The following SEMA3C variants were observed in gnomAD, a reference collection of about 807,000 sequenced individuals.
The protein encoded by SEMA3C is semaphorin 3C.
SEMA3C carries 47 observed loss-of-function variants against 89.4 expected under a neutral mutation model. That is an observed-to-expected ratio of 0.53 (90% CI 0.42 to 0.67). SEMA3C has a LOEUF of 0.67. Ranked by LOEUF, SEMA3C falls within the 30% of genes least tolerant of loss-of-function variation. SEMA3C has a pLI of 0.00. For synonymous variants in SEMA3C, 310 were observed against 320.2 expected, an observed-to-expected ratio of 0.97 and a Z score of 0.34; for missense variants, 839 against 929.1, an observed-to-expected ratio of 0.90 and a Z score of 1.26.
intron 2 of SEMA3C, among the ~76,000 whole-genome samples, chr7:80,863,799 GATATATATGTGATAC>G (rs1790839064): frequency 8.7e-6 from 1 of 115,410 alleles, no homozygotes; most frequent in African/African-American, 4.3e-5. Context: ...TATTCCATCT[GATATATATGTGATAC>G]ATATATATGT....
At chr7:80,767,221 C>T (rs992971308) in intron 12 of SEMA3C, among the ~76,000 whole-genome samples, 6 of 152,186 alleles carry the variant, frequency 3.9e-5, no homozygotes, top group African/African-American at 1.4e-4. Context: ...TAGGTTGCTG[C>T]AGACCCATAC....
intron 2 of SEMA3C, among the ~76,000 whole-genome samples, chr7:80,838,795 AC>A (rs1313895785): frequency 1.2e-4 from 18 of 151,940 alleles, no homozygotes; most frequent in Admixed American, 1.2e-3. Flanking sequence ...TTTCCTGAGA[AC>A]CCCCTCACTG....
At position 80,846,049 on chromosome 7, in the gene SEMA3C, CA is replaced by C. The variant is rs557256268; in HGVS notation, c.104-17305del. ...GGTCATAGTCATAAAATATTTCATG[CA>C]AATTCAGGGTGTCACTGATATTCTG... On this transcript the variant is annotated intron_variant, in intron 2 of 17. Transcript: ENST00000265361. Among the ~76,000 whole-genome samples, 918 of 152,208 alleles carry C rather than the reference CA, an allele frequency of 6.0e-3. 21 individuals are homozygous for C. Among genetic ancestry groups the C allele is most frequent in the Non-Finnish European group, 3.7e-3 (254 of 68,016 alleles).
intron 15 of SEMA3C, among the ~76,000 whole-genome samples, chr7:80,756,949 C>T (rs545662295): frequency 6.6e-6 from 1 of 152,204 alleles, no homozygotes; most frequent in South Asian, 2.1e-4. Flanking sequence ...TATTATCGAT[C>T]TTTTCTCTTT....
At chr7:80,753,264 A>G (rs1787979537) in intron 15 of SEMA3C, among the ~76,000 whole-genome samples, 1 of 152,220 alleles carries the variant, frequency 6.6e-6, no homozygotes, top group African/African-American at 2.4e-5. Flanking sequence ...TAGCTCGCAT[A>G]TCAAGTTTTT....
At position 80,827,415 on chromosome 7, in the gene SEMA3C, T is replaced by TTTTTG; in HGVS notation, c.327+9_327+10insCAAAA. 6.8e-7 allele frequency: 1 copy of TTTTTG among 1,471,082 alleles called. No homozygotes were observed. The highest frequency in any genetic ancestry group is 1.3e-5 in the South Asian group (1 of 77,208). 91.1% of individuals were successfully genotyped at this position (1,471,082 alleles called of 1,614,324 possible). ...GTGTTTTTTTTTTTTTTTTTTTTTT[T>TTTTTG]AACACTTACTGTGGGATCTTTGCCA... On this transcript the variant is annotated intron_variant, in intron 4 of 17. Coordinates refer to ENST00000265361, the MANE Select transcript of SEMA3C (RefSeq NM_006379.5).
intron 2 of SEMA3C, among the ~76,000 whole-genome samples, chr7:80,915,378 G>A (rs750161085): frequency 1.4e-4 from 22 of 152,110 alleles, no homozygotes; most frequent in Non-Finnish European, 2.9e-4. Flanking sequence ...GGCTCCTTCG[G>A]TGCTTATGAC....
At chr7:80,888,752 T>A (rs1226495062) in intron 2 of SEMA3C, among the ~76,000 whole-genome samples, 1 of 152,164 alleles carries the variant, frequency 6.6e-6, no homozygotes, top group Non-Finnish European at 1.5e-5. Context: ...ATTTAAAATA[T>A]TATAACCACA....
At chr7:80,792,349 G>T (rs1562877081) in intron 11 of SEMA3C, among the ~76,000 whole-genome samples, 1 of 152,194 alleles carries the variant, frequency 6.6e-6, no homozygotes. Context: ...GCAATGCATG[G>T]GTAATTTAAA....
chr7:80,762,848 T>C (rs1255198389), intron 13 of SEMA3C, among the ~76,000 whole-genome samples: 1 of 152,182 alleles, frequency 6.6e-6, no homozygotes, highest in Non-Finnish European at 1.5e-5. Context: ...TCTGGTAAAG[T>C]GATTAAGATT....
At chr7:80,920,453 G>A (rs544991866), upstream of SEMA3C, among the ~76,000 whole-genome samples, 8 of 152,282 alleles carry the variant, frequency 5.3e-5, no homozygotes, top group East Asian at 7.7e-4. Flanking sequence ...CAAAATCATT[G>A]TTCAGTGGGA....
At chr7:80,838,853 C>T (rs1334481962) in intron 2 of SEMA3C, among the ~76,000 whole-genome samples, 1 of 152,176 alleles carries the variant, frequency 6.6e-6, no homozygotes, top group Non-Finnish European at 1.5e-5. Flanking sequence ...TACCTCCCAC[C>T]AGTTCTCTCC....
chr7:80,887,065 A>G (rs1461833237), intron 2 of SEMA3C, among the ~76,000 whole-genome samples: 5 of 152,198 alleles, frequency 3.3e-5, no homozygotes, highest in Admixed American at 1.3e-4. Context: ...ATACACATAT[A>G]GTTACCAGGG....
chr7:80,815,800 G>C (rs560597929), intron 5 of SEMA3C: 1 of 151,996 alleles, frequency 6.6e-6, no homozygotes, highest in Non-Finnish European at 1.5e-5. Context: ...GTCAGTCTAA[G>C]GTAAAGTTAT....
intron 11 of SEMA3C, among the ~76,000 whole-genome samples, chr7:80,797,605 T>C (rs1279803889): frequency 6.6e-6 from 1 of 152,242 alleles, no homozygotes; most frequent in Non-Finnish European, 1.5e-5. Context: ...TCCTATGAGA[T>C]ATATGTAACA....
rs927966223 is a variant in SEMA3C, at chr7:80,743,514, G to A, written c.*1380C>T. ...GTACAATATCTGTTTTTACCTGGAAGCATGAAAATGTCTTAAAAGGTAAAT... is the reference window on the plus strand; with the variant it reads ...GTACAATATCTGTTTTTACCTGGAAACATGAAAATGTCTTAAAAGGTAAAT... On this transcript the variant is annotated 3_prime_UTR_variant, in exon 18 of 18. Transcript: ENST00000265361. 1 of 151,742 alleles carries A rather than the reference G, an allele frequency of 6.6e-6. No individual in the cohort carries two copies. Among genetic ancestry groups the A allele is most frequent in the Non-Finnish European group, 1.5e-5 (1 of 67,788 alleles). The allele number at this position is 151,742 out of a possible 1,614,324, so 9.4% of individuals were successfully genotyped here.
upstream of SEMA3C, chr7:80,919,464 G>A (rs1792366516): frequency 1.2e-6 from 1 of 834,580 alleles, no homozygotes; most frequent in African/African-American, 1.8e-5. Context: ...AAGCAGTTGT[G>A]GTTTTTTATT....
At chr7:80,782,372 GT>G (rs1319103906) in intron 12 of SEMA3C, among the ~76,000 whole-genome samples, 4 of 152,150 alleles carry the variant, frequency 2.6e-5, no homozygotes, top group Non-Finnish European at 1.5e-5. Context: ...GTTAAAATGA[GT>G]GCTATCACTC....
chr7:80,904,373 A>G (rs1791956889), intron 2 of SEMA3C, among the ~76,000 whole-genome samples: 1 of 152,164 alleles, frequency 6.6e-6, no homozygotes, highest in Non-Finnish European at 1.5e-5. Flanking sequence ...AGATTCTTAC[A>G]GATATGTCAT....
Sources: allele counts gnomAD v4.1 joint callset (sites outside exome capture counted in the v4.1 genomes callset), GRCh38; gene constraint gnomAD v4.1.1; transcripts MANE v1.5; gene names NCBI Gene and HGNC (gene_info 2026-07-23, HGNC 2026-07-21).